Variants in PASD1 observed in about 807,000 individuals in gnomAD.
PASD1 encodes the protein circadian clock protein PASD1.
In PASD1, 13 loss-of-function variants were observed where a neutral mutation model predicts 58.8. The observed-to-expected ratio is 0.22, with a 90% CI of 0.14 to 0.35. The LOEUF (loss-of-function observed/expected upper bound fraction) is 0.35. Among genes scored for constraint, PASD1 ranks in the 10% least tolerant of loss-of-function variants. The pLI, the probability that PASD1 is intolerant of heterozygous loss-of-function variation, is 1.00. For synonymous variants in PASD1, 236 were observed against 216.7 expected (o/e 1.09, Z -0.78); for missense variants, 734 against 568.3 (o/e 1.29, Z -2.96).
At chrX:151,640,743 G>A (rs2065600448) in intron 8 of PASD1, among the ~76,000 whole-genome samples, 1 of 111,576 alleles carries the variant, frequency 9.0e-6, no homozygotes, top group Non-Finnish European at 1.9e-5. Flanking sequence ...CTGGCATCCA[G>A]GCATATTCCA....
At chrX:151,662,880 T>A (rs745725262) in intron 10 of PASD1, among the ~76,000 whole-genome samples, 42 of 112,097 alleles carry the variant, frequency 3.7e-4, no homozygotes, top group Middle Eastern at 4.7e-3. Flanking sequence ...GTGTGTGCAT[T>A]TTTTTTGTCT....
At chrX:151,587,740 T>C (rs781017792) in intron 1 of PASD1, among the ~76,000 whole-genome samples, 1 of 111,943 alleles carries the variant, frequency 8.9e-6, no homozygotes, top group South Asian at 3.8e-4. Flanking sequence ...TTCCTGGATC[T>C]CTTTTGGAGC....
At chrX:151,652,986 C>A (rs2030745869) in intron 9 of PASD1, among the ~76,000 whole-genome samples, 1 of 109,579 alleles carries the variant, frequency 9.1e-6, no homozygotes, top group Non-Finnish European at 1.9e-5. Flanking sequence ...AATGGCATGA[C>A]CTGACTTGTT....
chrX:151,596,805 G>T (rs1378525096), intron 1 of PASD1, among the ~76,000 whole-genome samples: 1 of 111,389 alleles, frequency 9.0e-6, no homozygotes, highest in Non-Finnish European at 1.9e-5. Flanking sequence ...CCTTTAGGAG[G>T]TTTGTATGTT....
chrX:151,600,913 TATGTATTGGGATGCCATTGAC>T (rs1366973072), intron 1 of PASD1, among the ~76,000 whole-genome samples: 1 of 112,385 alleles, frequency 8.9e-6, no homozygotes, highest in South Asian at 3.6e-4. Context: ...TTGTAACACA[TATGTATTGGGATGCCATTGAC>T]ATCTACCTTG....
Position 151,674,107 on chromosome X carries a change from C to T in PASD1, c.2096C>T (p.Ser699Leu), listed in dbSNP as rs1421548977. The T allele has an allele frequency of 4.4e-5, 53 of 1,210,368 alleles. No homozygotes were observed. Among genetic ancestry groups the T allele is most frequent in the Non-Finnish European group, 5.6e-5 (50 of 895,222 alleles). ...CGGCTTTGGCAAGAGTTGTCTGATT[C>T]ACTCGGTCCTGTTGTCCAAGTGAAC... The part of the protein sequence containing the change: ...YIRLWQELSD[S>L]LGPVVQVNTW... Residue 699 changes from serine (S) to leucine (L), a missense_variant, in exon 15 of 16, where the codon TCA becomes TTA. By Grantham distance (145) the Ser-to-Leu change is moderately radical (BLOSUM62 -2). Coordinates refer to ENST00000370357, the MANE Select transcript of PASD1 (RefSeq NM_173493.3).
chrX:151,592,227 A>G (rs1470486566), intron 1 of PASD1, among the ~76,000 whole-genome samples: 1 of 112,466 alleles, frequency 8.9e-6, no homozygotes, highest in African/African-American at 3.2e-5. Flanking sequence ...GATCAGAATT[A>G]TGTTAATTTG....
chrX:151,657,087 A>T (rs933380029), intron 9 of PASD1, among the ~76,000 whole-genome samples: 1 of 111,798 alleles, frequency 8.9e-6, no homozygotes, highest in South Asian at 3.8e-4. Context: ...AATTTTGTCA[A>T]AGGCCTTTTC....
In PASD1 at chrX:151,665,207, G is replaced by C. The variant is rs144311163; in HGVS notation, c.1071+859G>C. ...TGTTGAAATGGTCTTGCCTTGCGGGGATTTGCAGACTGCTGTGAAAATTCT... is the reference window on the plus strand; with the variant it reads ...TGTTGAAATGGTCTTGCCTTGCGGGCATTTGCAGACTGCTGTGAAAATTCT... On this transcript the variant is annotated intron_variant, in intron 11 of 15. Coordinates refer to ENST00000370357, the MANE Select transcript of PASD1 (RefSeq NM_173493.3). Among the ~76,000 whole-genome samples the C allele has an allele frequency of 9.8e-5, 11 of 112,092 alleles. No individual in the cohort carries two copies. In the East Asian group the frequency reaches 2.8e-3, roughly 29 times the overall value.
intron 8 of PASD1, 52 bp downstream of exon 8, chrX:151,625,582 A>G (rs1278770949): frequency 3.3e-6 from 3 of 921,507 alleles, no homozygotes; most frequent in South Asian, 2.3e-5. Flanking sequence ...CAATTTTACT[A>G]AACGAAACTA....
chrX:151,661,154 C>A (rs867002032), intron 10 of PASD1, among the ~76,000 whole-genome samples: 9 of 94,251 alleles, frequency 9.5e-5, no homozygotes, highest in Admixed American at 1.2e-4. Flanking sequence ...GACTCCGTCT[C>A]AAAAAAAAAA....
intron 8 of PASD1, among the ~76,000 whole-genome samples, chrX:151,647,511 CAT>C (rs1201044531): frequency 5.5e-5 from 6 of 108,258 alleles, no homozygotes; most frequent in Non-Finnish European, 1.1e-4. Context: ...ATATTAACAA[CAT>C]AAAATATTAA....
At chrX:151,674,275 G>T in intron 15 of PASD1, 89 bp downstream of exon 15, 2 of 1,107,448 alleles carry the variant, frequency 1.8e-6, no homozygotes, top group Non-Finnish European at 2.4e-6. Flanking sequence ...CCAAGTGCAT[G>T]CTGTGTGTGA....
chrX:151,564,187 G>A (rs1266302410), intron 1 of PASD1, among the ~76,000 whole-genome samples: 1 of 113,218 alleles, frequency 8.8e-6, no homozygotes. Context: ...AAAGCTTGCG[G>A]TGTCGCGAAT....
chrX:151,591,357 GA>G (rs1031313022), intron 1 of PASD1, among the ~76,000 whole-genome samples: 4 of 111,157 alleles, frequency 3.6e-5, no homozygotes, highest in Non-Finnish European at 7.6e-5. Flanking sequence ...CGTTTTTCCA[GA>G]AAATTAAAAA....
At chrX:151,638,318 T>G (rs763668208) in intron 8 of PASD1, among the ~76,000 whole-genome samples, 3 of 108,739 alleles carry the variant, frequency 2.8e-5, no homozygotes, top group Non-Finnish European at 3.8e-5. Context: ...GGGGGAGAGA[T>G]AGCATTAGGA....
At chrX:151,666,883 C>T (rs1471397664) in intron 11 of PASD1, among the ~76,000 whole-genome samples, 1 of 105,845 alleles carries the variant, frequency 9.4e-6, no homozygotes, top group Non-Finnish European at 1.9e-5. Flanking sequence ...GATTTATAAT[C>T]CTTTGGGTAT....
intron 9 of PASD1, among the ~76,000 whole-genome samples, chrX:151,653,648 G>A (rs1399916939): frequency 1.5e-4 from 13 of 89,331 alleles, no homozygotes; most frequent in African/African-American, 5.3e-4. Flanking sequence ...GCAGCTTAGG[G>A]ATGTTTTCTT....
At chrX:151,587,848 G>T (rs186444315) in intron 1 of PASD1, among the ~76,000 whole-genome samples, 1 of 111,674 alleles carries the variant, frequency 9.0e-6, no homozygotes, top group African/African-American at 3.3e-5. Context: ...GATTTTATCC[G>T]TTGGAAAGTT....
Sources: gnomAD v4.1 joint callset for allele counts (sites outside exome capture counted in the v4.1 genomes callset) on GRCh38, gnomAD v4.1.1 for gene constraint, MANE v1.5 for transcripts, NCBI Gene and HGNC (gene_info 2026-07-23, HGNC 2026-07-21) for gene names.